The following PLCXD3 variants were observed in gnomAD, a reference collection of about 807,000 sequenced individuals.
PLCXD3 encodes phosphatidylinositol specific phospholipase C X domain containing 3, also known as PI-PLC X domain-containing protein 3.
Under a neutral mutation model 25.5 loss-of-function variants are expected in PLCXD3, and 19 were observed. The observed-to-expected ratio is 0.75, with a 90% CI of 0.52 to 1.09. The LOEUF is 1.09. Ranked by LOEUF, PLCXD3 falls within the 50% of genes least tolerant of loss-of-function variation. The pLI is 0.00. For missense variants in PLCXD3, 411 were observed against 388.1 expected (o/e 1.06, Z -0.50); for synonymous variants, 174 against 137.6 (o/e 1.26, Z -1.85).
intron 2 of PLCXD3, among the ~76,000 whole-genome samples, chr5:41,364,187 T>C (rs1370728464): frequency 6.6e-6 from 1 of 152,154 alleles, no homozygotes; most frequent in East Asian, 1.9e-4. Flanking sequence ...CCATGGATGC[T>C]GCCAAACATC....
chr5:41,506,693 C>T (rs1380949627), intron 1 of PLCXD3, among the ~76,000 whole-genome samples: 2 of 152,196 alleles, frequency 1.3e-5, no homozygotes, highest in African/African-American at 4.8e-5. Flanking sequence ...GTAGGTCAGA[C>T]ACAAGAACAG....
intron 2 of PLCXD3, among the ~76,000 whole-genome samples, chr5:41,359,054 C>G (rs546928173): frequency 2.0e-5 from 3 of 152,230 alleles, no homozygotes; most frequent in African/African-American, 7.2e-5. Context: ...ATCCCTGCAT[C>G]CTGGTATGAA....
rs58098437 is a variant in PLCXD3, at chr5:41,465,353, C to CTTTTTT, written c.103+45065_103+45070dup. On this transcript the variant is annotated intron_variant, in intron 1 of 2. Coordinates refer to ENST00000377801, the MANE Select transcript of PLCXD3 (RefSeq NM_001005473.3). ...TCCTACTTTCCCCACTAGTTCTTGT[C>CTTTTTT]TTTTTTTTTTTTTTTTTTTTTTTTT... 5.3e-3 allele frequency among the ~76,000 whole-genome samples: 70 copies of CTTTTTT among 13,224 alleles called. 3 individuals are homozygous for CTTTTTT. The highest frequency in any genetic ancestry group is 6.9e-3 in the African/African-American group (24 of 3,480). The allele number at this position is 13,224 out of a possible 152,430, so 8.7% of individuals were successfully genotyped here.
intron 1 of PLCXD3, among the ~76,000 whole-genome samples, chr5:41,386,968 A>AT (rs35441770): frequency 0.5 from 76,632 of 151,926 alleles, 21,544 homozygotes; most frequent in South Asian, 0.71. Flanking sequence ...TAAAATCTTA[A>AT]CTTTTTGTTA....
intron 1 of PLCXD3, among the ~76,000 whole-genome samples, chr5:41,435,224 C>T (rs969330871): frequency 2.0e-5 from 3 of 152,308 alleles, no homozygotes; most frequent in African/African-American, 7.2e-5. Flanking sequence ...AAATGTACAA[C>T]TCTGTCATCA....
At chr5:41,438,802 GAAA>G (rs35050344) in intron 1 of PLCXD3, among the ~76,000 whole-genome samples, 80 of 133,792 alleles carry the variant, frequency 6.0e-4, no homozygotes, top group East Asian at 3.9e-3. Flanking sequence ...CTGTCATTAG[GAAA>G]AAAAAAAAAA....
chr5:41,494,826 G>A (rs191614105), intron 1 of PLCXD3, among the ~76,000 whole-genome samples: 2 of 152,138 alleles, frequency 1.3e-5, no homozygotes, highest in Admixed American at 6.5e-5. Context: ...AGGAGTCAAG[G>A]TCTGAGCCCA....
intron 1 of PLCXD3, among the ~76,000 whole-genome samples, chr5:41,395,904 CA>C (rs1304559600): frequency 6.6e-6 from 1 of 150,380 alleles, no homozygotes; most frequent in Non-Finnish European, 1.5e-5. Context: ...CAATCTGATT[CA>C]AACTATTCTA....
Position 41,312,927 on chromosome 5 carries a change from C to T in PLCXD3, c.*690G>A, listed in dbSNP as rs1038190749. The stretch of plus-strand genomic sequence containing the variant: ...CAACCATTTTTCCCTCTGAAATTGG[C>T]ATTCACAGCTCTCCAAAAACATTTT... On this transcript the variant is annotated 3_prime_UTR_variant, in exon 3 of 3. Coordinates refer to ENST00000377801, the MANE Select transcript of PLCXD3 (RefSeq NM_001005473.3). 6.6e-6 allele frequency: 1 copy of T among 152,490 alleles called. No individual in the cohort carries two copies. Among genetic ancestry groups the T allele is most frequent in the Admixed American group, 6.6e-5 (1 of 15,242 alleles). The allele number at this position is 152,490 out of a possible 1,614,324, so 9.4% of individuals were successfully genotyped here. A position where few individuals can be genotyped will look rare whatever the true frequency, so the allele number is the denominator to read the frequency against.
At chr5:41,360,843 C>A (rs867372582) in intron 2 of PLCXD3, among the ~76,000 whole-genome samples, 8 of 152,012 alleles carry the variant, frequency 5.3e-5, no homozygotes, top group African/African-American at 1.5e-4. Flanking sequence ...TGGCCTCCCG[C>A]CAGGAGGTAG....
At chr5:41,465,756 C>T (rs1284844708) in intron 1 of PLCXD3, among the ~76,000 whole-genome samples, 1 of 152,058 alleles carries the variant, frequency 6.6e-6, no homozygotes, top group African/African-American at 2.4e-5. Context: ...TTATGAACAT[C>T]TATTCTTAGC....
chr5:41,323,317 T>A (rs1743532144), intron 2 of PLCXD3, among the ~76,000 whole-genome samples: 2 of 152,198 alleles, frequency 1.3e-5, no homozygotes, highest in African/African-American at 4.8e-5. Context: ...CACAACAGAC[T>A]GATTAGAGTC....
chr5:41,326,291 C>G (rs899134585), intron 2 of PLCXD3, among the ~76,000 whole-genome samples: 1 of 152,124 alleles, frequency 6.6e-6, no homozygotes, highest in African/African-American at 2.4e-5. Context: ...GAGATGTTGC[C>G]ACAGTCTTGT....
chr5:41,421,663 T>G (rs1487011515), intron 1 of PLCXD3, among the ~76,000 whole-genome samples: 2 of 152,164 alleles, frequency 1.3e-5, no homozygotes, highest in South Asian at 4.1e-4. Flanking sequence ...ATTGCGCTAC[T>G]GCAGTCAGGC....
chr5:41,313,459 A>AATC lies in PLCXD3; in HGVS notation c.*155_*157dup. 2 of 702,420 alleles carry AATC rather than the reference A, an allele frequency of 2.8e-6. No individual in the cohort carries two copies. The highest frequency in any genetic ancestry group is 4.6e-6 in the Non-Finnish European group (2 of 434,258). The allele number at this position is 702,420 out of a possible 1,614,324, so 43.5% of individuals were successfully genotyped here. On this transcript the variant is annotated 3_prime_UTR_variant, in exon 3 of 3. Transcript: ENST00000377801. ...TTATAGTAATGAAGAGTATGATTGTAATCACTGAAGAAACAGTTTTTCCCC... is the reference window on the plus strand; with the variant it reads ...TTATAGTAATGAAGAGTATGATTGTAATCATCACTGAAGAAACAGTTTTTCCCC...
intron 1 of PLCXD3, among the ~76,000 whole-genome samples, chr5:41,430,663 A>G (rs770853097): frequency 2.9e-4 from 44 of 152,148 alleles, no homozygotes; most frequent in Non-Finnish European, 2.9e-5. Flanking sequence ...ATGCCCAGGG[A>G]ACTTATTATT....
At chr5:41,482,495 G>C (rs957694763) in intron 1 of PLCXD3, among the ~76,000 whole-genome samples, 5 of 152,140 alleles carry the variant, frequency 3.3e-5, no homozygotes, top group South Asian at 2.1e-4. Context: ...TTAAGAGCAC[G>C]AAGTATAATA....
At chr5:41,421,902 C>G (rs1746837450) in intron 1 of PLCXD3, among the ~76,000 whole-genome samples, 1 of 152,112 alleles carries the variant, frequency 6.6e-6, no homozygotes, top group Non-Finnish European at 1.5e-5. Flanking sequence ...GTTAATAAAA[C>G]AAGCATTATG....
intron 2 of PLCXD3, among the ~76,000 whole-genome samples, chr5:41,344,141 AAT>A (rs1244154961): frequency 6.6e-6 from 1 of 152,138 alleles, no homozygotes; most frequent in Admixed American, 6.5e-5. Flanking sequence ...AAACATGAAT[AAT>A]ACATTGGTCA....
Sources: allele counts gnomAD v4.1 joint callset (sites outside exome capture counted in the v4.1 genomes callset), GRCh38; gene constraint gnomAD v4.1.1; transcripts MANE v1.5; gene names NCBI Gene and HGNC (gene_info 2026-07-23, HGNC 2026-07-21).